The following TBC1D19 variants were observed in gnomAD, a reference collection of about 807,000 sequenced individuals.
TBC1D19 encodes TBC1 domain family member 19.
A neutral mutation model predicts 89.0 loss-of-function variants in TBC1D19; 60 were observed. The ratio of observed to expected loss-of-function variants is 0.67; its 90% CI spans 0.55 to 0.84. The LOEUF is 0.84. Ranked by LOEUF, TBC1D19 falls within the 40% of genes least tolerant of loss-of-function variation. The pLI, the probability that TBC1D19 is intolerant of heterozygous loss-of-function variation, is 0.00. For synonymous variants in TBC1D19, 189 were observed against 199.7 expected, an observed-to-expected ratio of 0.95 and a Z score of 0.45; for missense variants, 500 against 610.8, an observed-to-expected ratio of 0.82 and a Z score of 1.91.
At chr4:26,614,290 C>A (rs1027876167) in intron 2 of TBC1D19, 118 bp from the exon 3 acceptor site, 4 of 691,050 alleles carry the variant, frequency 5.8e-6, no homozygotes, top group South Asian at 2.2e-5. Context: ...TGGCAGTTGA[C>A]AAAATTCTTT....
chr4:26,626,917 TCAGGGTA>T (rs1436114647), intron 4 of TBC1D19, among the ~76,000 whole-genome samples: 1 of 150,858 alleles, frequency 6.6e-6, no homozygotes, highest in Non-Finnish European at 1.5e-5. Context: ...ACTTTAAGTT[TCAGGGTA>T]CATGTGCACA....
chr4:26,686,313 A>G (rs140963715), intron 12 of TBC1D19, among the ~76,000 whole-genome samples: 152 of 152,296 alleles, frequency 1.0e-3, no homozygotes, highest in African/African-American at 3.7e-3. Flanking sequence ...CAAAGTAGCA[A>G]TCGGGGAGGA....
At chr4:26,678,124 T>C (rs1713000022) in intron 11 of TBC1D19, among the ~76,000 whole-genome samples, 1 of 152,142 alleles carries the variant, frequency 6.6e-6, no homozygotes, top group Non-Finnish European at 1.5e-5. Flanking sequence ...CCTAGAGACT[T>C]GTTGAATGGC....
chr4:26,832,375 T>C, the TBC1D19 span, among the ~76,000 whole-genome samples: 2 of 152,184 alleles, frequency 1.3e-5, no homozygotes, highest in Admixed American at 1.3e-4. Context: ...ACATGCATGT[T>C]GGGCCTGCCA....
chr4:26,688,514 C>A (rs1252073625), intron 13 of TBC1D19, 107 bp downstream of exon 13: 16 of 1,272,032 alleles, frequency 1.3e-5, no homozygotes, highest in Non-Finnish European at 1.5e-5. Flanking sequence ...TAATCCATGG[C>A]ATGCTTGTCG....
intron 11 of TBC1D19, among the ~76,000 whole-genome samples, chr4:26,677,984 G>A (rs936299039): frequency 6.6e-6 from 1 of 152,214 alleles, no homozygotes; most frequent in African/African-American, 2.4e-5. Context: ...AATTGGTACT[G>A]CAGAGAGTGG....
intron 18 of TBC1D19, 57 bp from the exon 19 acceptor site, chr4:26,748,354 A>G: frequency 1.5e-6 from 2 of 1,301,564 alleles, no homozygotes; most frequent in South Asian, 1.2e-5. Context: ...CTGATATTGC[A>G]TTTTCATGAG....
chr4:26,668,367 G>A (rs1475659845), intron 9 of TBC1D19, among the ~76,000 whole-genome samples: 1 of 151,836 alleles, frequency 6.6e-6, no homozygotes, highest in African/African-American at 2.4e-5. Context: ...TTAAACTACA[G>A]TGCAGATTTT....
chr4:26,780,959 C>T, the TBC1D19 span, among the ~76,000 whole-genome samples: 5 of 152,152 alleles, frequency 3.3e-5, no homozygotes, highest in African/African-American at 1.2e-4. Context: ...CAGCCTTAAG[C>T]ATCAAATAAA....
chr4:26,600,105 A>G (rs1266640454), intron 1 of TBC1D19, among the ~76,000 whole-genome samples: 13 of 152,052 alleles, frequency 8.5e-5, no homozygotes, highest in Non-Finnish European at 1.5e-4. Flanking sequence ...TTTTCATTCC[A>G]TTAAGTGTTT....
chr4:26,608,771 T>C (rs1464711822), intron 1 of TBC1D19, among the ~76,000 whole-genome samples: 1 of 151,902 alleles, frequency 6.6e-6, no homozygotes, highest in Non-Finnish European at 1.5e-5. Context: ...GAGTAACAGA[T>C]TGGAAAACAG....
In TBC1D19 at chr4:26,742,580, C is replaced by T. The variant is rs141345574; in HGVS notation, c.1300C>T (p.Arg434Ter). The T allele has an allele frequency of 5.0e-6, 8 of 1,612,052 alleles. No individual in the cohort carries two copies. The highest frequency in any genetic ancestry group is 4.4e-5 in the South Asian group (4 of 90,744). ...TYLPQLFYHL[R>*]EIGAQPLRIS... ...TCTTCCCCAACTCTTTTATCATCTA[C>T]GAGAAATTGGGGCTCAACCGTGAGT... is the stretch of plus-strand genomic sequence containing the variant. Residue 434 changes from arginine to a stop codon, truncating the protein, a stop_gained, in exon 18 of 21, where the codon CGA becomes TGA. Coordinates refer to ENST00000264866, the MANE Select transcript of TBC1D19 (RefSeq NM_018317.4). LOFTEE classifies it high-confidence loss of function.
At chr4:26,672,092 C>T (rs1712363032) in intron 9 of TBC1D19, 57 bp from the exon 10 acceptor site, 1 of 820,902 alleles carries the variant, frequency 1.2e-6, no homozygotes, top group Non-Finnish European at 1.7e-6. Context: ...TAATGTTGTT[C>T]TAAATGTGAT....
rs1194435142 is a variant in TBC1D19, at chr4:26,745,341, A to T, written c.1319+2742A>T. 2.0e-5 allele frequency among the ~76,000 whole-genome samples: 3 copies of T among 151,726 alleles called. No homozygotes were observed. The East Asian group carries it at 5.8e-4, about 29-fold the overall frequency. Reference sequence around the variant, plus strand: ...GAATTGGAATCAACTATATTACTAAATTTTTTTAGTTATTCCATGTTCTCT... The same window carrying T: ...GAATTGGAATCAACTATATTACTAATTTTTTTTAGTTATTCCATGTTCTCT... On this transcript the variant is annotated intron_variant, in intron 18 of 20. Transcript: ENST00000264866.
At chr4:26,708,889 T>C (rs1428261521) in intron 13 of TBC1D19, among the ~76,000 whole-genome samples, 1 of 151,812 alleles carries the variant, frequency 6.6e-6, no homozygotes, top group East Asian at 1.9e-4. Flanking sequence ...TTTCTCCACA[T>C]TTATTTAGTT....
the TBC1D19 span, among the ~76,000 whole-genome samples, chr4:26,831,549 A>C: frequency 0.05 from 6,419 of 127,566 alleles, 278 homozygotes; most frequent in African/African-American, 0.12. Context: ...TAATCCCTTT[A>C]TTTTCCTTTT....
chr4:26,804,825 T>TTC, the TBC1D19 span, among the ~76,000 whole-genome samples: 1 of 152,184 alleles, frequency 6.6e-6, no homozygotes, highest in Non-Finnish European at 1.5e-5. Flanking sequence ...TTATTTTTAT[T>TTC]TAGAAAGGTT....
At chr4:26,840,335 G>T in the TBC1D19 span, among the ~76,000 whole-genome samples, 2 of 151,600 alleles carry the variant, frequency 1.3e-5, no homozygotes, top group Non-Finnish European at 2.9e-5. Context: ...GCCTGCCTTG[G>T]CCTCCCAAAG....
chr4:26,592,296 G>T (rs976715032), intron 1 of TBC1D19, among the ~76,000 whole-genome samples: 6 of 152,284 alleles, frequency 3.9e-5, no homozygotes, highest in African/African-American at 1.4e-4. Flanking sequence ...AGCCCTTCAT[G>T]CTAAAAACTC....
Sources: gnomAD v4.1 joint callset for allele counts (sites outside exome capture counted in the v4.1 genomes callset) on GRCh38, gnomAD v4.1.1 for gene constraint, MANE v1.5 for transcripts, NCBI Gene and HGNC (gene_info 2026-07-23, HGNC 2026-07-21) for gene names.